The following B4GALT1 variants were observed in gnomAD, a reference collection of about 807,000 sequenced individuals.
The protein encoded by B4GALT1 is beta-1,4-galactosyltransferase 1.
Under a neutral mutation model 34.9 loss-of-function variants are expected in B4GALT1, and 16 were observed. That is an observed-to-expected ratio of 0.46 (90% CI 0.31 to 0.70). The LOEUF is 0.70. Among genes scored for constraint, B4GALT1 ranks in the 30% least tolerant of loss-of-function variants. B4GALT1 has a pLI of 0.05. For missense variants in B4GALT1, 445 were observed against 530.5 expected, an observed-to-expected ratio of 0.84 and a Z score of 1.58; for synonymous variants, 221 against 218.1, an observed-to-expected ratio of 1.01 and a Z score of -0.12.
chr9:33,147,086 T>C (rs754973471), intron 1 of B4GALT1, among the ~76,000 whole-genome samples: 61 of 152,280 alleles, frequency 4.0e-4, no homozygotes, highest in Non-Finnish European at 2.2e-4. Context: ...AAATCACTCC[T>C]CCACCTCTAA....
At chr9:33,151,952 T>C (rs890581101) in intron 1 of B4GALT1, among the ~76,000 whole-genome samples, 3 of 152,210 alleles carry the variant, frequency 2.0e-5, no homozygotes, top group African/African-American at 7.2e-5. Context: ...CATTTTGGGA[T>C]GGTGAAGACC....
At chr9:33,122,763 C>T (rs1160164934) in intron 2 of B4GALT1, among the ~76,000 whole-genome samples, 1 of 152,196 alleles carries the variant, frequency 6.6e-6, no homozygotes, top group African/African-American at 2.4e-5. Flanking sequence ...AGCCCAAAGG[C>T]ACACTGTGTT....
chr9:33,126,305 C>T lies in B4GALT1; in HGVS notation c.649-5699G>A, dbSNP rs573710653. On this transcript the variant is annotated intron_variant, in intron 2 of 5. Coordinates refer to ENST00000379731, the MANE Select transcript of B4GALT1 (RefSeq NM_001497.4). ...ATAGGCCTAAGTGTGGATCCTGGAA[C>T]AGTGGACAGGCTGGGAGATGATCCC... 5.9e-5 allele frequency among the ~76,000 whole-genome samples: 9 copies of T among 152,184 alleles called. No homozygotes were observed. In the South Asian group the frequency reaches 1.9e-3, roughly 32 times the overall value.
chr9:33,108,660 G>A (rs1351986954), downstream of B4GALT1: 3 of 151,374 alleles, frequency 2.0e-5, no homozygotes, highest in African/African-American at 7.3e-5. Context: ...CTGGGTGGAT[G>A]TGTGTGTCTC....
intron 1 of B4GALT1, among the ~76,000 whole-genome samples, chr9:33,144,437 T>C (rs1840397074): frequency 6.6e-6 from 1 of 151,586 alleles, no homozygotes; most frequent in Non-Finnish European, 1.5e-5. Context: ...GGTTTCACCA[T>C]GTTGGCCAGG....
At chr9:33,122,860 T>G (rs1284910373) in intron 2 of B4GALT1, among the ~76,000 whole-genome samples, 1 of 151,814 alleles carries the variant, frequency 6.6e-6, no homozygotes, top group Non-Finnish European at 1.5e-5. Context: ...AATTCAAAGT[T>G]TAGGCTGGGC....
At chr9:33,140,598 C>T (rs1325344612) in intron 1 of B4GALT1, among the ~76,000 whole-genome samples, 1 of 152,212 alleles carries the variant, frequency 6.6e-6, no homozygotes, top group East Asian at 1.9e-4. Flanking sequence ...TTTGGGAACA[C>T]GTGGAACTAG....
At chr9:33,149,565 A>G (rs1056428060) in intron 1 of B4GALT1, among the ~76,000 whole-genome samples, 1 of 152,196 alleles carries the variant, frequency 6.6e-6, no homozygotes, top group Non-Finnish European at 1.5e-5. Context: ...GATTACAGAC[A>G]TGAGCTACTA....
At chr9:33,173,416 C>CAAAAAAAAAAAAAA in the B4GALT1 span, among the ~76,000 whole-genome samples, 2 of 101,222 alleles carry the variant, frequency 2.0e-5, no homozygotes, top group Non-Finnish European at 4.3e-5. Flanking sequence ...AAAAAAAAAG[C>CAAAAAAAAAAAAAA]AAAAAAAAAA....
At chr9:33,125,740 T>C (rs1840082882) in intron 2 of B4GALT1, among the ~76,000 whole-genome samples, 1 of 152,174 alleles carries the variant, frequency 6.6e-6, no homozygotes, top group Non-Finnish European at 1.5e-5. Context: ...AAGTGTGGCC[T>C]TCCCCTGATT....
chr9:33,110,000 C>A (rs1219005067), downstream of B4GALT1, among the ~76,000 whole-genome samples: 1 of 152,234 alleles, frequency 6.6e-6, no homozygotes, highest in Non-Finnish European at 1.5e-5. Context: ...GAACCCCAGG[C>A]CACCTTTGCA....
At chr9:33,163,547 C>T (rs1840705768) in intron 1 of B4GALT1, among the ~76,000 whole-genome samples, 1 of 152,354 alleles carries the variant, frequency 6.6e-6, no homozygotes, top group Non-Finnish European at 1.5e-5. Context: ...CCTCTCTCAC[C>T]AGTTCAGCTT....
the B4GALT1 span, among the ~76,000 whole-genome samples, chr9:33,181,460 A>ACACACACACACACACACACAC: frequency 1.3e-5 from 2 of 151,638 alleles, no homozygotes; most frequent in African/African-American, 4.9e-5. Context: ...ACACACACAC[A>ACACACACACACACACACACAC]AACTATTCTT....
intron 1 of B4GALT1, among the ~76,000 whole-genome samples, chr9:33,165,410 G>C (rs2118338064): frequency 6.6e-6 from 1 of 152,272 alleles, no homozygotes; most frequent in South Asian, 2.1e-4. Context: ...TAGCAGCAAG[G>C]CAGAGTCCAT....
intron 1 of B4GALT1, among the ~76,000 whole-genome samples, chr9:33,157,286 A>G (rs1840610641): frequency 1.3e-5 from 2 of 152,212 alleles, no homozygotes; most frequent in Admixed American, 1.3e-4. Context: ...AAAGCAATGC[A>G]GCAATGTGAA....
chr9:33,120,282 T>TC, intron 3 of B4GALT1, 137 bp downstream of exon 3: 1 of 958,994 alleles, frequency 1.0e-6, no homozygotes. Context: ...TCTCAACTAA[T>TC]ACAAAGCACC....
chr9:33,109,261 T>G (rs984062821), downstream of B4GALT1, among the ~76,000 whole-genome samples: 3 of 152,234 alleles, frequency 2.0e-5, no homozygotes, highest in East Asian at 1.9e-4. Flanking sequence ...AGCTTCCAGA[T>G]AGCTGAACAC....
At chr9:33,125,876 A>G (rs918191396) in intron 2 of B4GALT1, among the ~76,000 whole-genome samples, 2 of 152,168 alleles carry the variant, frequency 1.3e-5, no homozygotes, top group Non-Finnish European at 2.9e-5. Flanking sequence ...CCATGTGTGT[A>G]TATCAGCAGA....
At chr9:33,150,153 A>ACACATACACACACACACATATATATACC (rs1840489952) in intron 1 of B4GALT1, among the ~76,000 whole-genome samples, 1 of 151,240 alleles carries the variant, frequency 6.6e-6, no homozygotes, top group African/African-American at 2.4e-5. Context: ...AGATATATAC[A>ACACATACACACACACACATATATATACC]CACACACATA....
Sources: gnomAD v4.1 joint callset for allele counts (sites outside exome capture counted in the v4.1 genomes callset) on GRCh38, gnomAD v4.1.1 for gene constraint, MANE v1.5 for transcripts, NCBI Gene and HGNC (gene_info 2026-07-23, HGNC 2026-07-21) for gene names.